The following LRRC66 variants were observed in gnomAD, a reference collection of about 807,000 sequenced individuals.
LRRC66 encodes leucine-rich repeat-containing protein 66.
LRRC66 carries 29 observed loss-of-function variants against 24.6 expected under a neutral mutation model. That is an observed-to-expected ratio of 1.18 (90% CI 0.88 to 1.61). The LOEUF (loss-of-function observed/expected upper bound fraction) is 1.61, where lower values mean the gene tolerates loss of function less well. LRRC66 is among the 40% of genes most tolerant of loss of function. The pLI, the probability that LRRC66 is intolerant of heterozygous loss-of-function variation, is 0.00. For synonymous variants in LRRC66, 411 were observed against 397.6 expected (o/e 1.03, Z -0.40); for missense variants, 1,124 against 1,058.0 (o/e 1.06, Z -0.87).
chr4:51,999,246 G>A (rs993295804), intron 3 of LRRC66, among the ~76,000 whole-genome samples: 1 of 152,168 alleles, frequency 6.6e-6, no homozygotes, highest in Non-Finnish European at 1.5e-5. Context: ...AAGGCTGAAT[G>A]TTATCAAGGC....
chr4:52,016,183 C>A (rs1736803995), intron 2 of LRRC66, among the ~76,000 whole-genome samples: 1 of 152,168 alleles, frequency 6.6e-6, no homozygotes, highest in South Asian at 2.1e-4. Flanking sequence ...AATTCCTATA[C>A]CTGCTAGGCT....
intron 2 of LRRC66, among the ~76,000 whole-genome samples, chr4:52,013,331 C>T (rs567459173): frequency 1.2e-4 from 18 of 152,078 alleles, no homozygotes; most frequent in Non-Finnish European, 2.1e-4. Context: ...ATTTCTAACA[C>T]ATTTACCTCT....
chr4:52,011,893 C>A (rs181904869), intron 2 of LRRC66, among the ~76,000 whole-genome samples: 1 of 152,222 alleles, frequency 6.6e-6, no homozygotes, highest in East Asian at 1.9e-4. Context: ...AAAAGAATTA[C>A]AAGTAAACAG....
Position 52,017,780 on chromosome 4 carries a change from C to T in LRRC66, c.-5-162G>A. The T allele has an allele frequency of 3.0e-6, 3 of 985,366 alleles. No homozygotes were observed. The South Asian group carries it at 1.4e-4, about 46-fold the overall frequency. The allele number at this position is 985,366 out of a possible 1,614,324, so 61.0% of individuals were successfully genotyped here. ...TTCTTACTGGGGCATGAAAATGTAG[C>T]TACCAAAATGAAATAGCCATAGTAT... On this transcript the variant is annotated intron_variant, in intron 1 of 4. Transcript: ENST00000682860.
At chr4:52,017,794 T>C in intron 1 of LRRC66, 176 bp from the exon 2 acceptor site, 2 of 985,372 alleles carry the variant, frequency 2.0e-6, no homozygotes, top group Non-Finnish European at 2.4e-6. Flanking sequence ...CAAAATGAAA[T>C]AGCCATAGTA....
chr4:52,009,071 T>G (rs1736645704), intron 2 of LRRC66, among the ~76,000 whole-genome samples: 1 of 152,168 alleles, frequency 6.6e-6, no homozygotes, highest in Non-Finnish European at 1.5e-5. Context: ...TCTTAAGATA[T>G]ATACTGGAAA....
At position 51,994,726 on chromosome 4, in the gene LRRC66, A is replaced by G. The variant is rs558389803; in HGVS notation, c.2296T>C (p.Cys766Arg). Residue 766 changes from cysteine to arginine, a missense_variant, in exon 5 of 5, where the codon TGC becomes CGC. By Grantham distance (180) the Cys-to-Arg change is radical. Transcript: ENST00000682860. The stretch of plus-strand genomic sequence containing the variant: ...TCAAAGGGATCTTCTTGATTCTTGC[A>G]TTTCCCTGGAATTGTTTGGAAGGTA... ...NVTFQTIPGK[C>R]KNQEDPFEKP... 10 of 1,614,128 alleles carry G rather than the reference A, an allele frequency of 6.2e-6. No homozygotes were observed. The highest frequency in any genetic ancestry group is 8.5e-6 in the Non-Finnish European group (10 of 1,180,020).
chr4:52,018,970 G>A (rs933373210), intron 1 of LRRC66, among the ~76,000 whole-genome samples: 6 of 152,118 alleles, frequency 3.9e-5, no homozygotes, highest in Non-Finnish European at 7.4e-5. Flanking sequence ...TCCGCCTCCC[G>A]GGTTCAAGCA....
At chr4:52,012,582 G>GTTAC (rs1369430145) in intron 2 of LRRC66, among the ~76,000 whole-genome samples, 1 of 152,064 alleles carries the variant, frequency 6.6e-6, no homozygotes, top group African/African-American at 2.4e-5. Context: ...ATTTTTGCTT[G>GTTAC]GTAAGCCAAT....
At chr4:52,009,960 C>A (rs1053075859) in intron 2 of LRRC66, among the ~76,000 whole-genome samples, 1 of 151,900 alleles carries the variant, frequency 6.6e-6, no homozygotes, top group African/African-American at 2.4e-5. Flanking sequence ...CAAATTGAAT[C>A]CAAAATATAT....
At chr4:52,016,518 T>C (rs1411369363) in intron 2 of LRRC66, among the ~76,000 whole-genome samples, 1 of 152,184 alleles carries the variant, frequency 6.6e-6, no homozygotes, top group African/African-American at 2.4e-5. Context: ...AACTCCAACA[T>C]ATAGACTATT....
chr4:52,018,531 C>T (rs1736869532), intron 1 of LRRC66: 1 of 985,276 alleles, frequency 1.0e-6, no homozygotes, highest in African/African-American at 1.7e-5. Flanking sequence ...TTCATCACTG[C>T]AGTCTGAAAT....
intron 2 of LRRC66, among the ~76,000 whole-genome samples, chr4:52,008,841 AT>A (rs889608583): frequency 1.5e-4 from 23 of 152,172 alleles, no homozygotes; most frequent in African/African-American, 5.5e-4. Flanking sequence ...AGCTCCAGAA[AT>A]TTATGTAGGT....
chr4:52,016,707 CAAA>C (rs1329105045), intron 2 of LRRC66, among the ~76,000 whole-genome samples: 5 of 151,838 alleles, frequency 3.3e-5, no homozygotes, highest in Admixed American at 6.6e-5. Context: ...AAAATGTACT[CAAA>C]GAAGAAAAAT....
Position 51,995,707 on chromosome 4 carries a change from C to T in LRRC66, c.1315G>A (p.Glu439Lys). 1 of 1,614,170 alleles carries T rather than the reference C, an allele frequency of 6.2e-7. No homozygotes were observed. The highest frequency in any genetic ancestry group is 1.1e-5 in the South Asian group (1 of 91,068). ...GGAAATACTTGGCGCAGATGGGTCT[C>T]TGGGTGTGGTGTGTGCCCCGCAGCT... ...MEAAGHTPHPETHLRQVFPHL... is the reference protein window; with the variant it reads ...MEAAGHTPHPKTHLRQVFPHL... The change falls in exon 5 of 5, where the codon GAG becomes AAG. Residue 439 changes from glutamate to lysine, a missense_variant. By Grantham distance (56) the Glu-to-Lys change is moderately conservative. Transcript: ENST00000682860.
chr4:52,017,639 T>A lies in LRRC66; in HGVS notation c.-5-21A>T. ...AATGCCTGGAAAAAGGAAAATGAAT[T>A]GACTTATTCACAATAATATATAAAA... On this transcript the variant is annotated intron_variant, in intron 1 of 4. Transcript: ENST00000682860. 2.0e-6 allele frequency: 3 copies of A among 1,514,726 alleles called. No homozygotes were observed. In the South Asian group the frequency reaches 4.0e-5, roughly 20 times the overall value. 93.8% of individuals were successfully genotyped at this position (1,514,726 alleles called of 1,614,324 possible).
Position 51,994,477 on chromosome 4 carries a change from C to CATT in LRRC66, c.2542_2544dup (p.Asn848dup). On this transcript the variant is annotated inframe_insertion, in exon 5 of 5. Transcript: ENST00000682860. ...GGTGGTGTTTGCTGTAAAACGTCCA[C>CATT]ATTTGAAAATTCTAAGTCTCTAAGT... The CATT allele has an allele frequency of 6.2e-7, 1 of 1,614,214 alleles. No individual in the cohort carries two copies. Among genetic ancestry groups the CATT allele is most frequent in the Non-Finnish European group, 8.5e-7 (1 of 1,180,036 alleles).
Position 51,995,648 on chromosome 4 carries a change from GA to G in LRRC66, c.1373del (p.Phe458SerfsTer3). On this transcript the variant is annotated frameshift_variant, in exon 5 of 5. Transcript: ENST00000682860. LOFTEE classifies it low-confidence loss of function (END_TRUNC). Reference protein sequence around the residue: ...HLSLYENQTPFWVTQPHPHAT... With the variant: ...HLSLYENQTPXWVTQPHPHAT... ...CGTGTGGGTGTGGCTGTGTCACCCA[GA>G]AAGGGGTCTGGTTCTCGTAGAGGCT... is the stretch of plus-strand genomic sequence containing the variant. The G allele has an allele frequency of 6.2e-7, 1 of 1,614,140 alleles. No individual in the cohort carries two copies. Among genetic ancestry groups the G allele is most frequent in the African/African-American group, 1.3e-5 (1 of 75,038 alleles).
Position 51,994,901 on chromosome 4 carries a change from C to T in LRRC66, c.2121G>A (p.Glu707=). The change falls in exon 5 of 5, where the codon GAG becomes GAA. Residue 707 remains glutamate (E), a synonymous_variant. Coordinates refer to ENST00000682860, the MANE Select transcript of LRRC66 (RefSeq NM_001024611.3). ...TGGAGCTCAGAGTGAACAGAGACCC[C>T]TCATCAGAGTCACAGTCACTCTCCA... ...CELESDCDSD[E]GSLFTLSSIS... The T allele has an allele frequency of 6.2e-7, 1 of 1,614,144 alleles. No individual in the cohort carries two copies. Among genetic ancestry groups the T allele is most frequent in the Non-Finnish European group, 8.5e-7 (1 of 1,180,036 alleles).
Sources: gnomAD v4.1 joint callset for allele counts (sites outside exome capture counted in the v4.1 genomes callset) on GRCh38, gnomAD v4.1.1 for gene constraint, MANE v1.5 for transcripts, NCBI Gene and HGNC (gene_info 2026-07-23, HGNC 2026-07-21) for gene names.